Variants in ARHGAP6 observed in about 807,000 individuals in gnomAD.
ARHGAP6 encodes rho GTPase-activating protein 6.
ARHGAP6 carries 16 observed loss-of-function variants against 55.7 expected under a neutral mutation model. That is an observed-to-expected ratio of 0.29 (90% CI 0.19 to 0.44). ARHGAP6 has a LOEUF of 0.44. ARHGAP6 is among the 20% of genes least tolerant of loss of function. The probability of loss-of-function intolerance (pLI) is 1.00; values close to 1 mark genes in which losing one functional copy is unlikely to be tolerated. For missense variants in ARHGAP6, 698 were observed against 808.9 expected (o/e 0.86, Z 1.66); for synonymous variants, 382 against 360.9 (o/e 1.06, Z -0.66).
chrX:11,205,788 T>C (rs934415018), intron 2 of ARHGAP6, among the ~76,000 whole-genome samples: 2 of 112,152 alleles, frequency 1.8e-5, no homozygotes, highest in Admixed American at 1.9e-4. Context: ...TCACTTGCCA[T>C]CTATTATAGG....
At chrX:11,252,828 A>T (rs967337875) in intron 2 of ARHGAP6, among the ~76,000 whole-genome samples, 3 of 111,438 alleles carry the variant, frequency 2.7e-5, no homozygotes, top group Non-Finnish European at 5.7e-5. Context: ...TGGCCCTAAG[A>T]CTCACTATCC....
chrX:11,639,149 A>G (rs1201502614), intron 1 of ARHGAP6, among the ~76,000 whole-genome samples: 1 of 111,792 alleles, frequency 8.9e-6, no homozygotes, highest in Non-Finnish European at 1.9e-5. Context: ...GGGAAAAAAC[A>G]TAAGTCTGAA....
chrX:11,444,072 A>C (rs755279743), intron 1 of ARHGAP6, among the ~76,000 whole-genome samples: 7 of 111,271 alleles, frequency 6.3e-5, no homozygotes, highest in Non-Finnish European at 1.3e-4. Context: ...CATTTTTTTC[A>C]TTGAGTTATC....
intron 12 of ARHGAP6, among the ~76,000 whole-genome samples, chrX:11,141,043 A>G (rs1043447736): frequency 8.9e-6 from 1 of 111,960 alleles, no homozygotes; most frequent in Non-Finnish European, 1.9e-5. Context: ...CACAGGATAC[A>G]GTGAGATATA....
chrX:11,424,500 C>T (rs2049858579), intron 1 of ARHGAP6, among the ~76,000 whole-genome samples: 1 of 111,926 alleles, frequency 8.9e-6, no homozygotes, highest in African/African-American at 3.3e-5. Flanking sequence ...ACTCTATCAC[C>T]TCTTTATCCC....
At chrX:11,153,734 G>C (rs1413179262) in intron 10 of ARHGAP6, among the ~76,000 whole-genome samples, 2 of 110,369 alleles carry the variant, frequency 1.8e-5, no homozygotes, top group Admixed American at 1.9e-4. Flanking sequence ...TCCTAAGTAA[G>C]TCTTCCCCCA....
chrX:11,410,266 TC>T (rs766491323), intron 1 of ARHGAP6, among the ~76,000 whole-genome samples: 1 of 112,476 alleles, frequency 8.9e-6, no homozygotes, highest in Non-Finnish European at 1.9e-5. Context: ...GTATCATGTT[TC>T]CATATGATGA....
chrX:11,285,015 G>A (rs1259729092), intron 1 of ARHGAP6, among the ~76,000 whole-genome samples: 5 of 111,453 alleles, frequency 4.5e-5, no homozygotes, highest in African/African-American at 1.3e-4. Flanking sequence ...AGAGATTATT[G>A]AGTCCCACAG....
intron 1 of ARHGAP6, among the ~76,000 whole-genome samples, chrX:11,660,759 T>A (rs781375322): frequency 9.1e-6 from 1 of 109,908 alleles, no homozygotes; most frequent in South Asian, 4.0e-4. Flanking sequence ...TCTGCGCCTT[T>A]GCCTGTCCAC....
At chrX:11,209,124 C>A (rs7889639) in intron 2 of ARHGAP6, among the ~76,000 whole-genome samples, 20,000 of 111,229 alleles carry the variant, frequency 0.18, 1,395 homozygotes, top group African/African-American at 0.21. Flanking sequence ...ATTATGTTTA[C>A]TCTTACATGT....
chrX:11,412,024 C>A (rs1603189662), intron 1 of ARHGAP6, among the ~76,000 whole-genome samples: 1 of 111,513 alleles, frequency 9.0e-6, no homozygotes, highest in African/African-American at 3.3e-5. Flanking sequence ...AGGCATTACA[C>A]TTTCACACAC....
intron 1 of ARHGAP6, among the ~76,000 whole-genome samples, chrX:11,295,391 C>T (rs1010818397): frequency 1.1e-4 from 12 of 111,297 alleles, no homozygotes; most frequent in Admixed American, 4.8e-4. Flanking sequence ...CTGATGAGTA[C>T]GTGACTTTTT....
chrX:11,425,123 G>A (rs1439692175), intron 1 of ARHGAP6, among the ~76,000 whole-genome samples: 2 of 111,653 alleles, frequency 1.8e-5, no homozygotes, highest in Admixed American at 9.5e-5. Context: ...TTGGACAAAC[G>A]AAAAAGCACT....
chrX:11,621,260 A>G lies in ARHGAP6; in HGVS notation c.588+42981T>C, dbSNP rs191121715. Among the ~76,000 whole-genome samples, 431 of 112,405 alleles carry G rather than the reference A, an allele frequency of 3.8e-3. 1 individual carries two copies. Among genetic ancestry groups the G allele is most frequent in the African/African-American group, 0.012 (380 of 31,004 alleles). Reference sequence around the variant, plus strand: ...AAAATCCCAAAACATGTGAAGAAATATAACACTGAAGAAGACAGCCAATAT... The same window carrying G: ...AAAATCCCAAAACATGTGAAGAAATGTAACACTGAAGAAGACAGCCAATAT... On this transcript the variant is annotated intron_variant, in intron 1 of 12. Coordinates refer to ENST00000337414, the MANE Select transcript of ARHGAP6 (RefSeq NM_013427.3).
intron 1 of ARHGAP6, among the ~76,000 whole-genome samples, chrX:11,358,042 A>T (rs1265880422): frequency 1.8e-5 from 2 of 111,488 alleles, no homozygotes; most frequent in African/African-American, 6.5e-5. Flanking sequence ...GTTACTCCTC[A>T]CATCCCTCTC....
intron 2 of ARHGAP6, among the ~76,000 whole-genome samples, chrX:11,209,402 C>T (rs1327972995): frequency 1.1e-4 from 12 of 112,094 alleles, no homozygotes; most frequent in Non-Finnish European, 1.9e-4. Flanking sequence ...GTCTCAGCCT[C>T]CCAAATGGCT....
chrX:11,177,248 A>T (rs2147327327), intron 8 of ARHGAP6, among the ~76,000 whole-genome samples: 1 of 110,160 alleles, frequency 9.1e-6, no homozygotes, highest in South Asian at 4.0e-4. Flanking sequence ...GTTGCCCATA[A>T]GTAAGCAACT....
In ARHGAP6 at chrX:11,360,208, G is replaced by C. The variant is rs967017266; in HGVS notation, c.589-105501C>G. Among the ~76,000 whole-genome samples, 5 of 111,707 alleles carry C rather than the reference G, an allele frequency of 4.5e-5. No homozygotes were observed. In the East Asian group the frequency reaches 1.4e-3, roughly 31 times the overall value. ...GCCGGGCAGAGACACAACCAACAAA[G>C]AGAATTTTAGACCAATATCCCTGAT... On this transcript the variant is annotated intron_variant, in intron 1 of 12. Coordinates refer to ENST00000337414, the MANE Select transcript of ARHGAP6 (RefSeq NM_013427.3).
intron 1 of ARHGAP6, among the ~76,000 whole-genome samples, chrX:11,646,961 G>C (rs1281011352): frequency 7.1e-5 from 8 of 111,942 alleles, no homozygotes; most frequent in Non-Finnish European, 1.1e-4. Flanking sequence ...CATACAAAAT[G>C]ATGGCATCAA....
Sources: gnomAD v4.1 joint callset for allele counts (sites outside exome capture counted in the v4.1 genomes callset) on GRCh38, gnomAD v4.1.1 for gene constraint, MANE v1.5 for transcripts, NCBI Gene and HGNC (gene_info 2026-07-23, HGNC 2026-07-21) for gene names.